The following GADL1 variants were observed in gnomAD, a reference collection of about 807,000 sequenced individuals.
GADL1 encodes GAD like acidic amino acid decarboxylase 1.
Under a neutral mutation model 69.5 loss-of-function variants are expected in GADL1, and 71 were observed. The observed-to-expected ratio is 1.02, with a 90% CI of 0.84 to 1.25. The LOEUF (loss-of-function observed/expected upper bound fraction) is 1.25. Among genes scored for constraint, GADL1 ranks in the 50% most tolerant of loss-of-function variants. GADL1 has a pLI of 0.00. For synonymous variants in GADL1, 254 were observed against 214.4 expected (o/e 1.18, Z -1.62); for missense variants, 737 against 631.8 (o/e 1.17, Z -1.79).
intron 14 of GADL1, among the ~76,000 whole-genome samples, chr3:30,757,419 T>C (rs1166544082): frequency 6.6e-6 from 1 of 152,068 alleles, no homozygotes; most frequent in Non-Finnish European, 1.5e-5. Context: ...CTTAGGACAA[T>C]TCGCATGGAA....
At chr3:30,828,917 T>C (rs1474010347) in intron 11 of GADL1, among the ~76,000 whole-genome samples, 1 of 151,940 alleles carries the variant, frequency 6.6e-6, no homozygotes, top group East Asian at 1.9e-4. Context: ...GCTAAAGGAA[T>C]ACTAAAGAGG....
intron 14 of GADL1, among the ~76,000 whole-genome samples, chr3:30,744,936 G>A (rs781716512): frequency 2.0e-5 from 3 of 152,232 alleles, no homozygotes; most frequent in Admixed American, 1.3e-4. Context: ...GAACAGCGGC[G>A]AACGAAATCT....
Position 30,844,232 on chromosome 3 carries a change from T to C in GADL1, c.764A>G (p.Gln255Arg), listed in dbSNP as rs773273406. 1.9e-6 allele frequency: 3 copies of C among 1,612,890 alleles called. No homozygotes were observed. The highest frequency in any genetic ancestry group is 1.7e-6 in the Non-Finnish European group (2 of 1,179,492). Residue 255 changes from glutamine to arginine, a missense_variant, in exon 8 of 15, where the codon CAA becomes CGA. Transcript: ENST00000282538. ...GKMIPEELEK[Q>R]VWQARKEGAA... Reference sequence around the variant, plus strand: ...CACCTCTTTTCTGGCTTGCCAGACTTGCTTCTCCAGTTCCTCAGGTATCAT... The same window carrying C: ...CACCTCTTTTCTGGCTTGCCAGACTCGCTTCTCCAGTTCCTCAGGTATCAT...
intron 1 of GADL1, among the ~76,000 whole-genome samples, chr3:30,880,659 A>G (rs918254834): frequency 2.0e-5 from 3 of 151,934 alleles, no homozygotes; most frequent in Non-Finnish European, 4.4e-5. Context: ...ATGGACTAAT[A>G]CATATGCAAA....
At chr3:30,823,461 A>G (rs965031521) in intron 11 of GADL1, among the ~76,000 whole-genome samples, 2 of 152,138 alleles carry the variant, frequency 1.3e-5, no homozygotes, top group Admixed American at 1.3e-4. Context: ...CTATACCCTG[A>G]AGATCCAGAA....
intron 11 of GADL1, among the ~76,000 whole-genome samples, chr3:30,829,619 TG>T (rs1050659286): frequency 1.3e-5 from 2 of 151,888 alleles, no homozygotes; most frequent in African/African-American, 4.8e-5. Flanking sequence ...AGGAATAATT[TG>T]GGGTAAGGGA....
At chr3:30,854,131 T>G (rs1387275885) in intron 4 of GADL1, among the ~76,000 whole-genome samples, 1 of 152,164 alleles carries the variant, frequency 6.6e-6, no homozygotes, top group East Asian at 1.9e-4. Context: ...CATGTCATTC[T>G]GTCTATTTAG....
chr3:30,756,734 C>T (rs573992210), intron 14 of GADL1, among the ~76,000 whole-genome samples: 1 of 152,176 alleles, frequency 6.6e-6, no homozygotes, highest in African/African-American at 2.4e-5. Flanking sequence ...ATGAGGCCAT[C>T]CTTGTCCACC....
intron 14 of GADL1, among the ~76,000 whole-genome samples, chr3:30,771,559 A>T (rs1450354221): frequency 1.3e-5 from 2 of 152,098 alleles, no homozygotes; most frequent in Non-Finnish European, 2.9e-5. Flanking sequence ...CTTTAAACAT[A>T]AATTTTAAAG....
At chr3:30,755,852 T>G (rs1233863226) in intron 14 of GADL1, among the ~76,000 whole-genome samples, 2 of 151,752 alleles carry the variant, frequency 1.3e-5, no homozygotes, top group Admixed American at 1.3e-4. Context: ...GGTCATCATT[T>G]GCATACATAA....
chr3:30,816,933 C>T (rs1697487119), intron 11 of GADL1, among the ~76,000 whole-genome samples: 1 of 152,068 alleles, frequency 6.6e-6, no homozygotes, highest in Admixed American at 6.6e-5. Context: ...AGTACCTATT[C>T]CTGTCCCATA....
intron 14 of GADL1, among the ~76,000 whole-genome samples, chr3:30,775,700 G>A (rs145932354): frequency 2.6e-4 from 40 of 152,184 alleles, no homozygotes; most frequent in African/African-American, 9.4e-4. Context: ...ATGGCTGACA[G>A]TAAAAAAAAT....
intron 14 of GADL1, among the ~76,000 whole-genome samples, chr3:30,768,946 G>C (rs1216934403): frequency 6.6e-6 from 1 of 152,094 alleles, no homozygotes; most frequent in Non-Finnish European, 1.5e-5. Flanking sequence ...GCACTTCAAA[G>C]AGACCATGGA....
intron 12 of GADL1, among the ~76,000 whole-genome samples, chr3:30,795,456 C>G (rs1416274556): frequency 6.6e-6 from 1 of 152,088 alleles, no homozygotes; most frequent in African/African-American, 2.4e-5. Flanking sequence ...TGGTAGCTTG[C>G]AATTTGCTAT....
chr3:30,891,097 T>G (rs11713775), intron 1 of GADL1, among the ~76,000 whole-genome samples: 1 of 151,780 alleles, frequency 6.6e-6, no homozygotes, highest in African/African-American at 2.4e-5. Context: ...GTGGTGAGTC[T>G]GCCTGCTCCC....
intron 14 of GADL1, among the ~76,000 whole-genome samples, chr3:30,772,173 G>A (rs1696432484): frequency 6.6e-6 from 1 of 152,128 alleles, no homozygotes; most frequent in African/African-American, 2.4e-5. Flanking sequence ...AACCCGTCAA[G>A]TAGATTTTAA....
intron 11 of GADL1, among the ~76,000 whole-genome samples, chr3:30,816,013 T>G (rs1697462006): frequency 6.6e-6 from 1 of 152,158 alleles, no homozygotes; most frequent in African/African-American, 2.4e-5. Flanking sequence ...CCCTACCTCA[T>G]GGGATTTGAT....
At chr3:30,814,731 T>C (rs1026805922) in intron 11 of GADL1, among the ~76,000 whole-genome samples, 1 of 152,030 alleles carries the variant, frequency 6.6e-6, no homozygotes, top group African/African-American at 2.4e-5. Context: ...CCAGAGACAT[T>C]ATTCTTGATT....
At chr3:30,844,160 T>G (rs776471600) in intron 8 of GADL1, 50 bp downstream of exon 8, 1 of 1,429,730 alleles carries the variant, frequency 7.0e-7, no homozygotes, top group Admixed American at 1.9e-5. Flanking sequence ...CGCGCGGGCG[T>G]GCGCGCACAC....
Sources: gnomAD v4.1 joint callset for allele counts (sites outside exome capture counted in the v4.1 genomes callset) on GRCh38, gnomAD v4.1.1 for gene constraint, MANE v1.5 for transcripts, NCBI Gene and HGNC (gene_info 2026-07-23, HGNC 2026-07-21) for gene names.